The following CORIN variants were observed in gnomAD, a reference collection of about 807,000 sequenced individuals.
CORIN encodes corin, serine peptidase.
Under a neutral mutation model 125.3 loss-of-function variants are expected in CORIN, and 117 were observed. That is an observed-to-expected ratio of 0.93 (90% CI 0.80 to 1.09). CORIN has a LOEUF of 1.09. CORIN is among the 50% of genes least tolerant of loss of function. The pLI is 0.00. For missense variants in CORIN, 1,253 were observed against 1,306.7 expected (o/e 0.96, Z 0.63); for synonymous variants, 450 against 466.4 (o/e 0.96, Z 0.45).
chr4:47,772,030 G>A (rs140548669), intron 3 of CORIN, among the ~76,000 whole-genome samples: 15 of 151,954 alleles, frequency 9.9e-5, no homozygotes, highest in African/African-American at 2.2e-4. Context: ...AATGCACCCC[G>A]ATTCTCTTGG....
chr4:47,711,967 G>A (rs760159157), intron 5 of CORIN, among the ~76,000 whole-genome samples: 1 of 152,192 alleles, frequency 6.6e-6, no homozygotes, highest in Non-Finnish European at 1.5e-5. Flanking sequence ...TTGCTACTAC[G>A]AGAAAGCAGC....
At chr4:47,801,030 G>A (rs754888775) in intron 2 of CORIN, among the ~76,000 whole-genome samples, 3 of 152,008 alleles carry the variant, frequency 2.0e-5, no homozygotes, top group Non-Finnish European at 4.4e-5. Context: ...CCTCCCTCCT[G>A]GATCCCCTAG....
intron 16 of CORIN, among the ~76,000 whole-genome samples, chr4:47,634,458 A>AC (rs966645079): frequency 1.2e-4 from 18 of 152,092 alleles, no homozygotes; most frequent in African/African-American, 4.1e-4. Context: ...ACATGGTGAA[A>AC]CCCCATCTCT....
At chr4:47,750,673 G>C (rs1728860177) in intron 4 of CORIN, among the ~76,000 whole-genome samples, 1 of 152,150 alleles carries the variant, frequency 6.6e-6, no homozygotes, top group Non-Finnish European at 1.5e-5. Context: ...TACAGTGAGT[G>C]GGTTGCAGTC....
chr4:47,747,387 AC>A (rs1450894619), intron 4 of CORIN, among the ~76,000 whole-genome samples: 2 of 152,142 alleles, frequency 1.3e-5, no homozygotes, highest in African/African-American at 2.4e-5. Context: ...GGAAAAAAAA[AC>A]ATTCAACATT....
chr4:47,702,847 C>T (rs1726368819), intron 5 of CORIN, among the ~76,000 whole-genome samples: 1 of 152,188 alleles, frequency 6.6e-6, no homozygotes, highest in Non-Finnish European at 1.5e-5. Flanking sequence ...GAATGTATTG[C>T]ATCACTTTCC....
At chr4:47,697,712 G>A (rs973287420) in intron 5 of CORIN, among the ~76,000 whole-genome samples, 15 of 151,794 alleles carry the variant, frequency 9.9e-5, no homozygotes, top group Non-Finnish European at 2.2e-4. Flanking sequence ...GGGAGACTCT[G>A]TCTCAAAAAA....
At chr4:47,639,624 C>T (rs1271895251) in intron 16 of CORIN, among the ~76,000 whole-genome samples, 1 of 152,212 alleles carries the variant, frequency 6.6e-6, no homozygotes, top group Non-Finnish European at 1.5e-5. Flanking sequence ...ATTCCCACTT[C>T]CCTCCTTGTG....
At chr4:47,723,634 T>C (rs750916559) in intron 5 of CORIN, among the ~76,000 whole-genome samples, 23 of 152,288 alleles carry the variant, frequency 1.5e-4, no homozygotes, top group Non-Finnish European at 2.9e-4. Flanking sequence ...CAGAGAATTC[T>C]AACAGGACCC....
At chr4:47,788,419 A>G (rs1193971486) in intron 2 of CORIN, among the ~76,000 whole-genome samples, 1 of 152,238 alleles carries the variant, frequency 6.6e-6, no homozygotes, top group African/African-American at 2.4e-5. Context: ...ATTGAAGCAT[A>G]AAAGCTAAAT....
At chr4:47,681,251 A>G (rs1277400603) in intron 7 of CORIN, 1 of 152,230 alleles carries the variant, frequency 6.6e-6, no homozygotes, top group Non-Finnish European at 1.5e-5. Flanking sequence ...AACAGAGGAA[A>G]GTATAGGGAG....
At chr4:47,673,165 G>A (rs577742560) in intron 10 of CORIN, among the ~76,000 whole-genome samples, 7 of 150,542 alleles carry the variant, frequency 4.6e-5, no homozygotes, top group Non-Finnish European at 7.4e-5. Context: ...ATGGTGAAAC[G>A]CCATCTTTAC....
At chr4:47,702,179 C>T (rs1436914150) in intron 5 of CORIN, among the ~76,000 whole-genome samples, 1 of 152,064 alleles carries the variant, frequency 6.6e-6, no homozygotes, top group Non-Finnish European at 1.5e-5. Flanking sequence ...AATTATAAGG[C>T]TGTTTCAAGT....
At position 47,744,518 on chromosome 4, in the gene CORIN, C is replaced by G. The variant is rs1181423934; in HGVS notation, c.683G>C (p.Gly228Ala). Residue 228 changes from glycine to alanine, a missense_variant, in exon 5 of 22, where the codon GGG becomes GCG. By Grantham distance (60) the Gly-to-Ala change is moderately conservative. Transcript: ENST00000273857. ...ATCCGGCCAGGAGTAATTCACCATC[C>G]CCAGGACTGATTCACAGCCTTCTTT... ...AAKEGCESVL[G>A]MVNYSWPDFL... The G allele has an allele frequency of 1.2e-6, 2 of 1,613,744 alleles. No individual in the cohort carries two copies. Among genetic ancestry groups the G allele is most frequent in the East Asian group, 4.5e-5 (2 of 44,864 alleles).
At chr4:47,683,893 T>C (rs1725398246) in intron 6 of CORIN, 55 bp from the exon 7 acceptor site, 3 of 1,307,978 alleles carry the variant, frequency 2.3e-6, no homozygotes, top group Non-Finnish European at 3.2e-6. Flanking sequence ...AATGCTATTG[T>C]AGTACGATAT....
intron 4 of CORIN, among the ~76,000 whole-genome samples, chr4:47,756,678 A>G (rs552528166): frequency 5.9e-5 from 9 of 152,356 alleles, no homozygotes; most frequent in African/African-American, 1.9e-4. Flanking sequence ...CTAGATATTA[A>G]GAATAGTTGT....
At chr4:47,732,720 C>T (rs528823956) in intron 5 of CORIN, among the ~76,000 whole-genome samples, 87 of 152,266 alleles carry the variant, frequency 5.7e-4, no homozygotes, top group African/African-American at 1.9e-3. Flanking sequence ...CACGCCACCA[C>T]GCCCGGCTTT....
intron 5 of CORIN, 62 bp from the exon 6 acceptor site, chr4:47,693,145 C>CA: frequency 2.8e-6 from 3 of 1,054,864 alleles, no homozygotes; most frequent in South Asian, 2.8e-5. Flanking sequence ...TTTAAGATTA[C>CA]AAAAAATAAA....
At chr4:47,662,042 T>C (rs1454404853) in intron 11 of CORIN, among the ~76,000 whole-genome samples, 186 bp from the exon 12 acceptor site, 2 of 152,120 alleles carry the variant, frequency 1.3e-5, no homozygotes, top group African/African-American at 4.8e-5. Context: ...CTGCAAAGAG[T>C]ATACATTCCA....
Sources: gnomAD v4.1 joint callset for allele counts (sites outside exome capture counted in the v4.1 genomes callset) on GRCh38, gnomAD v4.1.1 for gene constraint, MANE v1.5 for transcripts, NCBI Gene and HGNC (gene_info 2026-07-23, HGNC 2026-07-21) for gene names.